C5orf24: variants seen among roughly 807,000 people sequenced by gnomAD.
C5orf24 encodes UPF0461 protein C5orf24.
C5orf24 carries 4 observed loss-of-function variants against 9.8 expected under a neutral mutation model. That is an observed-to-expected ratio of 0.41 (90% CI 0.20 to 0.93). C5orf24 has a LOEUF of 0.93. Ranked by LOEUF, C5orf24 falls within the 40% of genes least tolerant of loss-of-function variation. C5orf24 has a pLI of 0.33. For missense variants in C5orf24, 170 were observed against 236.9 expected (o/e 0.72, Z 1.85); for synonymous variants, 73 against 81.3 (o/e 0.90, Z 0.55).
rs1050014390 is a variant in C5orf24, at chr5:134,845,995, C to G, written c.-221C>G. The stretch of plus-strand genomic sequence containing the variant: ...CACTACAGGGTGGTAGCGGCCTCTT[C>G]GTACTGCGTCCGGGGCAGGACCGTG... On this transcript the variant is annotated 5_prime_UTR_variant, in exon 1 of 2. Transcript: ENST00000394976. 2 of 152,226 alleles carry G rather than the reference C, an allele frequency of 1.3e-5. No homozygotes were observed. The highest frequency in any genetic ancestry group is 2.9e-5 in the Non-Finnish European group (2 of 68,050). The allele number at this position is 152,226 out of a possible 1,614,324, so 9.4% of individuals were successfully genotyped here. A position where few individuals can be genotyped will look rare whatever the true frequency, so the allele number is the denominator to read the frequency against.
At chr5:134,841,194 C>G (rs1270406656), upstream of C5orf24, among the ~76,000 whole-genome samples, 1 of 152,156 alleles carries the variant, frequency 6.6e-6, no homozygotes, top group Non-Finnish European at 1.5e-5. Context: ...CTTCAATTCT[C>G]TCTTAGCTTT....
Position 134,850,919 on chromosome 5 carries a change from C to CATATATAT in C5orf24, c.-3-3967_-3-3960dup, listed in dbSNP as rs201093286. On this transcript the variant is annotated intron_variant, in intron 1 of 1. Transcript: ENST00000394976. ...AGTTCTCTGATAGATTATGAATGTT[C>CATATATAT]ATATATATATATATATATACACACA... Among the ~76,000 whole-genome samples, 709 of 140,470 alleles carry CATATATAT rather than the reference C, an allele frequency of 5.0e-3. 2 individuals are homozygous for CATATATAT. The highest frequency in any genetic ancestry group is 0.03 in the Middle Eastern group (8 of 266). The allele number at this position is 140,470 out of a possible 152,430, so 92.2% of individuals were successfully genotyped here. A position where few individuals can be genotyped will look rare whatever the true frequency, so the allele number is the denominator to read the frequency against.
At chr5:134,847,387 C>T (rs540683184) in intron 1 of C5orf24, among the ~76,000 whole-genome samples, 46 of 151,226 alleles carry the variant, frequency 3.0e-4, no homozygotes, top group Non-Finnish European at 5.8e-4. Flanking sequence ...CCTCTGCCTC[C>T]CGGGTTCAAG....
intron 1 of C5orf24, among the ~76,000 whole-genome samples, chr5:134,852,814 A>G (rs1756193572): frequency 6.6e-6 from 1 of 152,184 alleles, no homozygotes; most frequent in Admixed American, 6.5e-5. Flanking sequence ...AGGAAGGCGG[A>G]TCACCTGAGG....
upstream of C5orf24, among the ~76,000 whole-genome samples, chr5:134,841,057 T>G (rs1224731169): frequency 6.6e-6 from 1 of 152,138 alleles, no homozygotes; most frequent in Non-Finnish European, 1.5e-5. Context: ...TCCAAGGGTT[T>G]AGGGATTACT....
At chr5:134,853,528 CTTTTT>C (rs773207000) in intron 1 of C5orf24, among the ~76,000 whole-genome samples, 9 of 104,246 alleles carry the variant, frequency 8.6e-5, no homozygotes, top group South Asian at 3.4e-4. Context: ...TCTTCTTCTT[CTTTTT>C]TTTTTTTTTT....
chr5:134,846,156 T>TC lies in C5orf24; in HGVS notation c.-57dup, dbSNP rs1438219006. On this transcript the variant is annotated 5_prime_UTR_variant, in exon 1 of 2. Coordinates refer to ENST00000394976, the MANE Select transcript of C5orf24 (RefSeq NM_001135586.1). ...GGAGGGAGCGGCGCCAGCACGAGGT[T>TC]CCCAGCCGCTGGGAAGCCCCTAGAC... 6.6e-6 allele frequency: 1 copy of TC among 151,908 alleles called. No homozygotes were observed. Among genetic ancestry groups the TC allele is most frequent in the African/African-American group, 2.4e-5 (1 of 41,274 alleles). 9.4% of individuals were successfully genotyped at this position (151,908 alleles called of 1,614,324 possible). A position where few individuals can be genotyped will look rare whatever the true frequency, so the allele number is the denominator to read the frequency against.
intron 1 of C5orf24, among the ~76,000 whole-genome samples, chr5:134,847,705 A>AT (rs57323019): frequency 0.02 from 2,692 of 134,924 alleles, 69 homozygotes; most frequent in African/African-American, 0.06. Flanking sequence ...TATTCATCCT[A>AT]TTTTTTTTTT....
chr5:134,855,505 T>C lies in C5orf24; in HGVS notation c.*38T>C, dbSNP rs767503366. Reference sequence around the variant, plus strand: ...AAGAGGGCCAGGTTTAGAAGGAAGATTGTGAATAATCCCAAAGCTTCTTGG... The same window carrying C: ...AAGAGGGCCAGGTTTAGAAGGAAGACTGTGAATAATCCCAAAGCTTCTTGG... On this transcript the variant is annotated 3_prime_UTR_variant, in exon 2 of 2. Coordinates refer to ENST00000394976, the MANE Select transcript of C5orf24 (RefSeq NM_001135586.1). 3.7e-6 allele frequency: 6 copies of C among 1,606,034 alleles called. No homozygotes were observed. Among genetic ancestry groups the C allele is most frequent in the Non-Finnish European group, 5.1e-6 (6 of 1,178,112 alleles).
chr5:134,856,516 C>T lies in C5orf24; in HGVS notation c.*1049C>T, dbSNP rs530807804. ...ATTAGCCAGGCGTGGTGGCGGGCGC[C>T]TGTAATCCAAGCTACTGGGGAGGCT... On this transcript the variant is annotated 3_prime_UTR_variant, in exon 2 of 2. Transcript: ENST00000394976. The T allele has an allele frequency of 3.4e-6, 1 of 291,806 alleles. No individual in the cohort carries two copies. The highest frequency in any genetic ancestry group is 1.7e-4 in the East Asian group (1 of 5,772). 18.1% of individuals were successfully genotyped at this position (291,806 alleles called of 1,614,324 possible). A position where few individuals can be genotyped will look rare whatever the true frequency, so the allele number is the denominator to read the frequency against.
the C5orf24 span, among the ~76,000 whole-genome samples, chr5:134,838,063 A>G: frequency 2.0e-5 from 3 of 152,282 alleles, no homozygotes; most frequent in East Asian, 5.8e-4. Flanking sequence ...TCTGATCAAT[A>G]TAGGGAGACC....
the C5orf24 span, among the ~76,000 whole-genome samples, chr5:134,839,051 A>T: frequency 1.3e-5 from 2 of 152,070 alleles, no homozygotes; most frequent in African/African-American, 4.8e-5. Context: ...TCTACAAAAC[A>T]TACAAAAATT....
intron 1 of C5orf24, among the ~76,000 whole-genome samples, chr5:134,854,547 A>G (rs989437783): frequency 6.6e-6 from 1 of 152,244 alleles, no homozygotes; most frequent in African/African-American, 2.4e-5. Context: ...TGGCTTTACT[A>G]TTATTCTTTT....
At chr5:134,835,459 A>T in the C5orf24 span, among the ~76,000 whole-genome samples, 1 of 152,250 alleles carries the variant, frequency 6.6e-6, no homozygotes, top group South Asian at 2.1e-4. Context: ...AGCCTGGCCA[A>T]CATGGTGAAA....
the C5orf24 span, among the ~76,000 whole-genome samples, chr5:134,840,163 C>T: frequency 6.6e-6 from 1 of 152,034 alleles, no homozygotes; most frequent in Non-Finnish European, 1.5e-5. Context: ...AAACACTAGC[C>T]TGGCATGGTG....
At chr5:134,836,629 C>T in the C5orf24 span, among the ~76,000 whole-genome samples, 3 of 152,026 alleles carry the variant, frequency 2.0e-5, no homozygotes, top group Admixed American at 6.6e-5. Flanking sequence ...CTGCAACCTC[C>T]GCTTCTCGGG....
upstream of C5orf24, among the ~76,000 whole-genome samples, chr5:134,843,414 A>G (rs2150170271): frequency 6.6e-6 from 1 of 152,326 alleles, no homozygotes; most frequent in South Asian, 2.1e-4. Context: ...TGAACATCTA[A>G]GTAGTGGTGA....
chr5:134,856,061 T>C lies in C5orf24; in HGVS notation c.*594T>C, dbSNP rs1391365543. On this transcript the variant is annotated 3_prime_UTR_variant, in exon 2 of 2. Coordinates refer to ENST00000394976, the MANE Select transcript of C5orf24 (RefSeq NM_001135586.1). ...AATTTATTGATCTACATGGCATTAA[T>C]TGATTTAACCATTATACCTGAAATA... is the stretch of plus-strand genomic sequence containing the variant. The C allele has an allele frequency of 5.0e-6, 5 of 1,000,996 alleles. No individual in the cohort carries two copies. The highest frequency in any genetic ancestry group is 6.0e-6 in the Non-Finnish European group (5 of 830,668). 62.0% of individuals were successfully genotyped at this position (1,000,996 alleles called of 1,614,324 possible).
At chr5:134,846,937 A>G (rs755709797) in intron 1 of C5orf24, 31 of 152,248 alleles carry the variant, frequency 2.0e-4, no homozygotes, top group Non-Finnish European at 2.8e-4. Flanking sequence ...ATGACCTGAA[A>G]TAAATCTCTG....
Sources: allele counts gnomAD v4.1 joint callset (sites outside exome capture counted in the v4.1 genomes callset), GRCh38; gene constraint gnomAD v4.1.1; transcripts MANE v1.5; gene names NCBI Gene and HGNC (gene_info 2026-07-23, HGNC 2026-07-21).